FXYD2: variants seen among roughly 807,000 people sequenced by gnomAD.
The protein encoded by FXYD2 is FXYD domain containing ion transport regulator 2, also known as sodium/potassium-transporting ATPase subunit gamma.
Under a neutral mutation model 11.8 loss-of-function variants are expected in FXYD2, and 8 were observed. The observed-to-expected ratio is 0.68, with a 90% CI of 0.40 to 1.22. The LOEUF (loss-of-function observed/expected upper bound fraction) is 1.22. Among genes scored for constraint, FXYD2 ranks in the 50% most tolerant of loss-of-function variants. The probability of loss-of-function intolerance (pLI) is 0.01; values close to 1 mark genes in which losing one functional copy is unlikely to be tolerated. For synonymous variants in FXYD2, 42 were observed against 33.3 expected (o/e 1.26, Z -0.90); for missense variants, 92 against 91.8 (o/e 1.00, Z -0.01).
At chr11:117,821,869 A>T in intron 3 of FXYD2, 1 of 998,360 alleles carries the variant, frequency 1.0e-6, no homozygotes, top group Non-Finnish European at 1.2e-6. Context: ...TTTTCTGTGT[A>T]TTTTTCTTTG....
chr11:117,820,482 G>A (rs1018625144), intron 5 of FXYD2, 110 bp from the exon 6 acceptor site: 9 of 685,746 alleles, frequency 1.3e-5, no homozygotes, highest in African/African-American at 9.0e-5. Context: ...GATCTCCTGC[G>A]GCACACACTC....
upstream of FXYD2, among the ~76,000 whole-genome samples, chr11:117,826,053 G>A (rs1390633919): frequency 7.2e-5 from 11 of 152,212 alleles, no homozygotes; most frequent in Admixed American, 7.2e-4. Flanking sequence ...CTAGGGTGGT[G>A]GTGAGGGGAA....
chr11:117,821,306 C>T (rs781229405), intron 3 of FXYD2: 1 of 959,388 alleles, frequency 1.0e-6, no homozygotes, highest in Admixed American at 5.9e-5. Context: ...AGAGATCCTC[C>T]TGCCTTGGCC....
At chr11:117,821,710 G>A (rs908322004) in intron 3 of FXYD2, 17 of 961,024 alleles carry the variant, frequency 1.8e-5, no homozygotes, top group Middle Eastern at 5.3e-4. Context: ...AGTGGCACAC[G>A]TAGAGAGAGC....
Position 117,822,345 on chromosome 11 carries a change from G to A in FXYD2, c.139+61C>T. 1 of 1,550,086 alleles carries A rather than the reference G, an allele frequency of 6.5e-7. No homozygotes were observed. The highest frequency in any genetic ancestry group is 8.7e-7 in the Non-Finnish European group (1 of 1,146,926). The stretch of plus-strand genomic sequence containing the variant: ...CAACTCCCGAAAGCCAGCCTGCTCA[G>A]CGGCCTTGAGAAGAGAGGTGCCCTG... On this transcript the variant is annotated intron_variant, in intron 3 of 5. Transcript: ENST00000292079. This position sits in a 1 kb window ranked among gnomAD's most constrained non-coding sequence, Gnocchi z 4.7.
intron 1 of FXYD2, among the ~76,000 whole-genome samples, chr11:117,823,912 G>A (rs574294626): frequency 2.9e-4 from 44 of 152,362 alleles, no homozygotes; most frequent in African/African-American, 1.1e-3. Flanking sequence ...GAGGTGCTGG[G>A]TGCTCAGGGA....
intron 3 of FXYD2, chr11:117,821,192 G>A (rs2055893275): frequency 2.6e-6 from 1 of 380,432 alleles, no homozygotes; most frequent in African/African-American, 2.2e-5. Context: ...AAGTAGCTGG[G>A]ACTATAGGTA....
At chr11:117,821,148 C>T in intron 3 of FXYD2, 1 of 403,414 alleles carries the variant, frequency 2.5e-6, no homozygotes, top group East Asian at 5.6e-5. Context: ...CCTCAAACTC[C>T]TGGGCTCAAG....
chr11:117,821,638 G>T (rs1324391087), intron 3 of FXYD2: 5 of 985,650 alleles, frequency 5.1e-6, no homozygotes, highest in African/African-American at 3.5e-5. Context: ...GAGCTGCCAC[G>T]GGCAACATGT....
upstream of FXYD2, among the ~76,000 whole-genome samples, chr11:117,826,848 T>C (rs2056051387): frequency 6.8e-6 from 1 of 146,478 alleles, no homozygotes; most frequent in African/African-American, 2.5e-5. Flanking sequence ...ATCTATCCAT[T>C]GACAACCCAG....
At chr11:117,827,279 C>T (rs752479863), upstream of FXYD2, among the ~76,000 whole-genome samples, 5 of 152,164 alleles carry the variant, frequency 3.3e-5, no homozygotes, top group African/African-American at 4.8e-5. Flanking sequence ...GACGGAGTTT[C>T]GCTCTTGTCA....
rs2055918786 is a variant in FXYD2 at position 117,822,086 on chromosome 11, G to A, written c.139+320C>T. On this transcript the variant is annotated intron_variant, in intron 3 of 5. Transcript: ENST00000292079. The surrounding 1 kb of genome is among the most constrained non-coding windows in gnomAD (Gnocchi z 4.7). ...GGGATCATCCCTATTTAACAAATGAGTTTGGGACCATGGTTAGCAGCGGGG... is the reference window on the plus strand; with the variant it reads ...GGGATCATCCCTATTTAACAAATGAATTTGGGACCATGGTTAGCAGCGGGG... 7.7e-7 allele frequency: 1 copy of A among 1,307,066 alleles called. No homozygotes were observed. The highest frequency in any genetic ancestry group is 1.5e-5 in the African/African-American group (1 of 66,820). The allele number at this position is 1,307,066 out of a possible 1,614,324, so 81.0% of individuals were successfully genotyped here. A position where few individuals can be genotyped will look rare whatever the true frequency, so the allele number is the denominator to read the frequency against.
At position 117,820,697 on chromosome 11, in the gene FXYD2, C is replaced by T; in HGVS notation, c.177-1G>A. Reference sequence around the variant, plus strand: ...TTACGGCTCATCTTCATTGATTTGCCTGGTGGGGGAAGGAAAAGCAACAGG... The same window carrying T: ...TTACGGCTCATCTTCATTGATTTGCTTGGTGGGGGAAGGAAAAGCAACAGG... On this transcript the variant is annotated splice_acceptor_variant, in intron 4 of 5. Transcript: ENST00000292079. LOFTEE classifies it high-confidence loss of function. The T allele has an allele frequency of 1.2e-6, 2 of 1,613,958 alleles. No homozygotes were observed. Among genetic ancestry groups the T allele is most frequent in the Non-Finnish European group, 1.7e-6 (2 of 1,180,010 alleles).
At position 117,822,290 on chromosome 11, in the gene FXYD2, G is replaced by A. The variant is rs773038541; in HGVS notation, c.139+116C>T. On this transcript the variant is annotated intron_variant, in intron 3 of 5. Coordinates refer to ENST00000292079, the MANE Select transcript of FXYD2 (RefSeq NM_001680.5). This position sits in a 1 kb window ranked among gnomAD's most constrained non-coding sequence, Gnocchi z 4.7. ...CCATTCCCACATCCTGCAGTGGGGG[G>A]CGTGGTGGGGAGGCTCACCCCTCCC... is the stretch of plus-strand genomic sequence containing the variant. 7.0e-5 allele frequency: 108 copies of A among 1,543,398 alleles called. No homozygotes were observed. The highest frequency in any genetic ancestry group is 5.2e-6 in the Non-Finnish European group (6 of 1,145,240).
At position 117,822,088 on chromosome 11, in the gene FXYD2, T is replaced by C. The variant is rs12417711; in HGVS notation, c.139+318A>G. The C allele has an allele frequency of 0.012, 15,834 of 1,307,742 alleles. 1,331 individuals carry two copies. The East Asian group carries it at 0.24, about 20-fold the overall frequency. The allele number at this position is 1,307,742 out of a possible 1,614,324, so 81.0% of individuals were successfully genotyped here. A position where few individuals can be genotyped will look rare whatever the true frequency, so the allele number is the denominator to read the frequency against. Reference sequence around the variant, plus strand: ...GATCATCCCTATTTAACAAATGAGTTTGGGACCATGGTTAGCAGCGGGGGG... The same window carrying C: ...GATCATCCCTATTTAACAAATGAGTCTGGGACCATGGTTAGCAGCGGGGGG... On this transcript the variant is annotated intron_variant, in intron 3 of 5. Coordinates refer to ENST00000292079, the MANE Select transcript of FXYD2 (RefSeq NM_001680.5). The surrounding 1 kb of genome is among the most constrained non-coding windows in gnomAD (Gnocchi z 4.7).
At position 117,822,284 on chromosome 11, in the gene FXYD2, T is replaced by TG. The variant is rs1193766002; in HGVS notation, c.139+121dup. On this transcript the variant is annotated intron_variant, in intron 3 of 5. Coordinates refer to ENST00000292079, the MANE Select transcript of FXYD2 (RefSeq NM_001680.5). This position sits in a 1 kb window ranked among gnomAD's most constrained non-coding sequence, Gnocchi z 4.7. ...GGGCACCCATTCCCACATCCTGCAG[T>TG]GGGGGGCGTGGTGGGGAGGCTCACC... 9 of 1,541,576 alleles carry TG rather than the reference T, an allele frequency of 5.8e-6. No individual in the cohort carries two copies. Among genetic ancestry groups the TG allele is most frequent in the Non-Finnish European group, 7.9e-6 (9 of 1,144,506 alleles).
chr11:117,821,537 G>A, intron 3 of FXYD2: 1 of 985,936 alleles, frequency 1.0e-6, no homozygotes, highest in Non-Finnish European at 1.2e-6. Flanking sequence ...ACCTGGAGAA[G>A]GATGGCAGCA....
Position 117,822,483 on chromosome 11 carries a change from C to T in FXYD2, c.65-3G>A, listed in dbSNP as rs1446599898. ...CCCATTGCGAACGGTCTCATAGTCT[C>T]CGGAAAGAGAGGGCAAGAGGAGCGG... On this transcript the variant is annotated splice_region_variant and splice_polypyrimidine_tract_variant and intron_variant, in intron 2 of 5. Transcript: ENST00000292079. The surrounding 1 kb of genome is among the most constrained non-coding windows in gnomAD (Gnocchi z 4.7). 8.3e-6 allele frequency: 13 copies of T among 1,559,942 alleles called. No individual in the cohort carries two copies. The highest frequency in any genetic ancestry group is 1.4e-5 in the African/African-American group (1 of 73,886).
At chr11:117,826,453 A>G (rs1468043563), upstream of FXYD2, among the ~76,000 whole-genome samples, 2 of 152,182 alleles carry the variant, frequency 1.3e-5, no homozygotes, top group Non-Finnish European at 2.9e-5. Context: ...GAGGCTGCTC[A>G]TTTGCTTTCC....
Sources: allele counts gnomAD v4.1 joint callset (sites outside exome capture counted in the v4.1 genomes callset), GRCh38; gene constraint gnomAD v4.1.1; non-coding constraint Gnocchi (gnomAD v3.1); transcripts MANE v1.5; gene names NCBI Gene and HGNC (gene_info 2026-07-23, HGNC 2026-07-21).